The following KLF12 variants were observed in gnomAD, a reference collection of about 807,000 sequenced individuals.
The protein encoded by KLF12 is KLF transcription factor 12, also known as Krueppel-like factor 12.
A neutral mutation model predicts 37.8 loss-of-function variants in KLF12; 9 were observed. The observed-to-expected ratio is 0.24, with a 90% CI of 0.14 to 0.42. KLF12 has a LOEUF of 0.42. Among genes scored for constraint, KLF12 ranks in the 10% least tolerant of loss-of-function variants. KLF12 has a pLI of 1.00. For synonymous variants in KLF12, 208 were observed against 202.1 expected, an observed-to-expected ratio of 1.03 and a Z score of -0.25; for missense variants, 411 against 516.0, an observed-to-expected ratio of 0.80 and a Z score of 1.97.
chr13:73,746,807 C>T (rs1386835575), intron 6 of KLF12, among the ~76,000 whole-genome samples: 2 of 134,278 alleles, frequency 1.5e-5, no homozygotes, highest in Admixed American at 7.3e-5. Flanking sequence ...CCCTCCCTCC[C>T]TCCTTTTTTT....
At chr13:73,870,542 C>T (rs1055878866) in intron 3 of KLF12, among the ~76,000 whole-genome samples, 6 of 152,146 alleles carry the variant, frequency 3.9e-5, no homozygotes, top group Non-Finnish European at 8.8e-5. Context: ...GACGGATGTG[C>T]ATGTGTGTGT....
At chr13:74,105,260 A>T (rs1006302593) in intron 1 of KLF12, among the ~76,000 whole-genome samples, 1 of 152,218 alleles carries the variant, frequency 6.6e-6, no homozygotes, top group Non-Finnish European at 1.5e-5. Context: ...AATTCTTAAA[A>T]TAGCAGTATT....
At chr13:73,884,946 C>G (rs1461930528) in intron 3 of KLF12, among the ~76,000 whole-genome samples, 1 of 152,148 alleles carries the variant, frequency 6.6e-6, no homozygotes, top group Non-Finnish European at 1.5e-5. Flanking sequence ...CCATACTTCC[C>G]TGTTTTTCTG....
At chr13:73,803,970 G>T (rs572445972) in intron 5 of KLF12, among the ~76,000 whole-genome samples, 1 of 152,234 alleles carries the variant, frequency 6.6e-6, no homozygotes, top group East Asian at 1.9e-4. Context: ...ATATCTGTAG[G>T]ACATGAAGTT....
chr13:73,743,761 T>A (rs181032674), intron 6 of KLF12, among the ~76,000 whole-genome samples: 235 of 152,294 alleles, frequency 1.5e-3, no homozygotes, highest in African/African-American at 5.5e-3. Context: ...TCAGAACTAT[T>A]TCAGAATAAT....
chr13:73,900,631 T>C (rs569985714), intron 3 of KLF12, among the ~76,000 whole-genome samples: 1 of 147,930 alleles, frequency 6.8e-6, no homozygotes, highest in Admixed American at 6.8e-5. Flanking sequence ...TTCTCTCATT[T>C]AAAAAAAAAA....
chr13:74,078,109 C>T (rs575051400), intron 1 of KLF12, among the ~76,000 whole-genome samples: 1 of 152,200 alleles, frequency 6.6e-6, no homozygotes, highest in Non-Finnish European at 1.5e-5. Context: ...TCCCAGCCAG[C>T]CAAACTGAAG....
At chr13:73,724,040 G>A (rs774268045) in intron 6 of KLF12, among the ~76,000 whole-genome samples, 2 of 152,128 alleles carry the variant, frequency 1.3e-5, no homozygotes, top group African/African-American at 4.8e-5. Context: ...CCATTTCTGG[G>A]TATATACCCA....
intron 6 of KLF12, among the ~76,000 whole-genome samples, chr13:73,721,901 GT>G (rs1876292647): frequency 6.6e-6 from 1 of 152,020 alleles, no homozygotes. Context: ...CAAGGGAAAT[GT>G]TTTTTAAAGG....
the KLF12 span, among the ~76,000 whole-genome samples, chr13:74,242,449 C>T: frequency 1.3e-5 from 2 of 152,180 alleles, no homozygotes; most frequent in African/African-American, 4.8e-5. Context: ...CATCAGATCT[C>T]ATTAGACTTA....
chr13:73,942,647 G>T (rs947900068), intron 3 of KLF12, among the ~76,000 whole-genome samples: 1 of 152,152 alleles, frequency 6.6e-6, no homozygotes, highest in African/African-American at 2.4e-5. Context: ...GTTAGTAATT[G>T]CCACGGTCTT....
chr13:74,273,504 C>G, the KLF12 span, among the ~76,000 whole-genome samples: 1 of 151,018 alleles, frequency 6.6e-6, no homozygotes, highest in South Asian at 2.1e-4. Context: ...GAAGTTTTCC[C>G]TTTATATTAG....
intron 5 of KLF12, among the ~76,000 whole-genome samples, chr13:73,807,983 A>G (rs1234200240): frequency 6.6e-6 from 1 of 152,170 alleles, no homozygotes; most frequent in Admixed American, 6.5e-5. Context: ...AGAAAGAAGG[A>G]AAGGGGGTGC....
At chr13:73,884,888 G>A (rs1405011204) in intron 3 of KLF12, among the ~76,000 whole-genome samples, 1 of 151,906 alleles carries the variant, frequency 6.6e-6, no homozygotes, top group Non-Finnish European at 1.5e-5. Flanking sequence ...ATCACAGCTG[G>A]GCAACCACTT....
Position 73,695,467 on chromosome 13 carries a change from C to T in KLF12, c.*23G>A, listed in dbSNP as rs775582892. ...GCCGCTAAGAGATCCAGCTCTTACGCTCAGCTGGACAGGTAGCATTCCTCA... is the reference window on the plus strand; with the variant it reads ...GCCGCTAAGAGATCCAGCTCTTACGTTCAGCTGGACAGGTAGCATTCCTCA... On this transcript the variant is annotated 3_prime_UTR_variant, in exon 8 of 8. Coordinates refer to ENST00000377669, the MANE Select transcript of KLF12 (RefSeq NM_007249.5). The T allele has an allele frequency of 6.2e-7, 1 of 1,609,582 alleles. No individual in the cohort carries two copies. Among genetic ancestry groups the T allele is most frequent in the South Asian group, 1.1e-5 (1 of 90,866 alleles).
intron 1 of KLF12, among the ~76,000 whole-genome samples, chr13:74,102,217 C>G (rs1198300642): frequency 7.8e-6 from 1 of 127,552 alleles, no homozygotes; most frequent in African/African-American, 2.9e-5. Flanking sequence ...GACTCCATCT[C>G]AAAAAAAAGA....
At chr13:74,038,217 T>A (rs1893309098) in intron 1 of KLF12, among the ~76,000 whole-genome samples, 1 of 152,160 alleles carries the variant, frequency 6.6e-6, no homozygotes, top group Admixed American at 6.5e-5. Flanking sequence ...AGACAAGGAA[T>A]CTCCTGTGTC....
At chr13:73,982,907 T>C (rs1891724797) in intron 2 of KLF12, among the ~76,000 whole-genome samples, 1 of 152,156 alleles carries the variant, frequency 6.6e-6, no homozygotes, top group South Asian at 2.1e-4. Flanking sequence ...CAGGATTTCA[T>C]TTTTCTTTCT....
chr13:73,826,763 TACAC>T (rs59262711), intron 4 of KLF12, among the ~76,000 whole-genome samples: 11 of 149,472 alleles, frequency 7.4e-5, no homozygotes, highest in Admixed American at 3.3e-4. Flanking sequence ...ATATCATATC[TACAC>T]ACACACACAC....
Sources: allele counts gnomAD v4.1 joint callset (sites outside exome capture counted in the v4.1 genomes callset), GRCh38; gene constraint gnomAD v4.1.1; transcripts MANE v1.5; gene names NCBI Gene and HGNC (gene_info 2026-07-23, HGNC 2026-07-21).